The following OAS3 variants were observed in gnomAD, a reference collection of about 807,000 sequenced individuals.
The protein encoded by OAS3 is 2'-5'-oligoadenylate synthetase 3.
In OAS3, 107 loss-of-function variants were observed where a neutral mutation model predicts 113.0. The ratio of observed to expected loss-of-function variants is 0.95; its 90% confidence interval spans 0.81 to 1.11. The LOEUF (loss-of-function observed/expected upper bound fraction) is 1.11, where lower values mean the gene tolerates loss of function less well. Among genes scored for constraint, OAS3 ranks in the 50% most tolerant of loss-of-function variants. OAS3 has a pLI of 0.00. For synonymous variants in OAS3, 552 were observed against 573.6 expected, an observed-to-expected ratio of 0.96 and a Z score of 0.54; for missense variants, 1,258 against 1,389.1, an observed-to-expected ratio of 0.91 and a Z score of 1.50.
chr12:112,947,961 C>G lies in OAS3; in HGVS notation c.891C>G (p.Asp297Glu), dbSNP rs1565975933. 1.9e-6 allele frequency: 3 copies of G among 1,597,718 alleles called. No homozygotes were observed. In the Admixed American group the frequency reaches 5.2e-5, roughly 28 times the overall value. The change falls in exon 5 of 16, where the codon GAC (aspartate) becomes GAG (glutamate). Residue 297 changes from aspartate (D) to glutamate (E), a missense_variant. Physicochemically the swap from Asp to Glu is conservative, Grantham distance 45 (BLOSUM62 2). Coordinates refer to ENST00000228928, the MANE Select transcript of OAS3 (RefSeq NM_006187.4). ...QLKRPRPVIL[D>E]PADPTWDLGN... Reference sequence around the variant, plus strand: ...GAAATTGCAGGCCTGTGATCCTGGACCCAGCTGACCCCACATGGGACCTGG... The same window carrying G: ...GAAATTGCAGGCCTGTGATCCTGGAGCCAGCTGACCCCACATGGGACCTGG...
At chr12:112,948,738 C>T (rs1054173093) in intron 5 of OAS3, 123 bp from the exon 6 acceptor site, 7 of 761,732 alleles carry the variant, frequency 9.2e-6, no homozygotes, top group Admixed American at 2.9e-5. Flanking sequence ...GGCCCTCCCA[C>T]TTCCCCTCTC....
rs541027468 is a variant in OAS3, at chr12:112,954,711, A to G, written c.1657+3736A>G. ...TATATCTCTGTTTTGGTACAGTACC[A>G]TGCTGTTTTGGTTACTGTAGTATAG... On this transcript the variant is annotated intron_variant, in intron 7 of 15. Coordinates refer to ENST00000228928, the MANE Select transcript of OAS3 (RefSeq NM_006187.4). The surrounding 1 kb of genome is among the most constrained non-coding windows in gnomAD (Gnocchi z 4.0). 6.6e-6 allele frequency among the ~76,000 whole-genome samples: 1 copy of G among 152,274 alleles called. No homozygotes were observed. Among genetic ancestry groups the G allele is most frequent in the South Asian group, 2.1e-4 (1 of 4,824 alleles).
In OAS3 at chr12:112,964,305, G is replaced by T; in HGVS notation, c.2300G>T (p.Arg767Leu). 5 of 1,609,064 alleles carry T rather than the reference G, an allele frequency of 3.1e-6. No homozygotes were observed. Among genetic ancestry groups the T allele is most frequent in the Non-Finnish European group, 4.2e-6 (5 of 1,177,756 alleles). ...KFISEFLQPN[R>L]QFLAQVNKAV... ...ATCAGTGAATTTCTCCAGCCCAACCGCCAGTTCCTGGCCCAGGTGAACAAG... is the reference window on the plus strand; with the variant it reads ...ATCAGTGAATTTCTCCAGCCCAACCTCCAGTTCCTGGCCCAGGTGAACAAG... The change falls in exon 11 of 16, where the codon CGC (arginine) becomes CTC (leucine). Residue 767 changes from arginine to leucine, a missense_variant. Coordinates refer to ENST00000228928, the MANE Select transcript of OAS3 (RefSeq NM_006187.4).
chr12:112,943,131 C>T (rs756839224), intron 2 of OAS3, among the ~76,000 whole-genome samples: 2 of 152,006 alleles, frequency 1.3e-5, no homozygotes, highest in Non-Finnish European at 2.9e-5. Context: ...GATAGGGTTT[C>T]ACCATGTTGT....
chr12:112,960,979 G>C, intron 7 of OAS3, 92 bp from the exon 8 acceptor site: 1 of 1,193,504 alleles, frequency 8.4e-7, no homozygotes, highest in Non-Finnish European at 1.2e-6. Flanking sequence ...ATTAATGTTA[G>C]AATATTCATA....
chr12:112,968,840 C>T (rs897425812), intron 14 of OAS3, among the ~76,000 whole-genome samples: 1 of 152,176 alleles, frequency 6.6e-6, no homozygotes, highest in Admixed American at 6.5e-5. Flanking sequence ...TTAAATCTGA[C>T]CACCCTACCT....
At chr12:112,964,133 G>A (rs1031442636) in intron 10 of OAS3, 102 bp from the exon 11 acceptor site, 3 of 1,187,658 alleles carry the variant, frequency 2.5e-6, no homozygotes, top group Admixed American at 2.5e-5. Flanking sequence ...AGGGACATGG[G>A]AGACAGTGGG....
chr12:112,947,032 G>A (rs538979072), intron 4 of OAS3, 51 bp downstream of exon 4: 2 of 1,502,336 alleles, frequency 1.3e-6, no homozygotes, highest in African/African-American at 1.4e-5. Context: ...GCCAGGGGGA[G>A]ATAATTGACA....
Position 112,970,319 on chromosome 12 carries a change from T to C in OAS3, c.*346T>C, listed in dbSNP as rs528442449. 3 of 373,778 alleles carry C rather than the reference T, an allele frequency of 8.0e-6. No individual in the cohort carries two copies. In the South Asian group the frequency reaches 1.0e-4, roughly 12 times the overall value. The allele number at this position is 373,778 out of a possible 1,614,324, so 23.2% of individuals were successfully genotyped here. A position where few individuals can be genotyped will look rare whatever the true frequency, so the allele number is the denominator to read the frequency against. On this transcript the variant is annotated 3_prime_UTR_variant, in exon 16 of 16. Transcript: ENST00000228928. ...TGCCCCCTCCTCCCTGACTCCTCTCTGCCCATGCAAATTAGCTCACATCTT... is the reference window on the plus strand; with the variant it reads ...TGCCCCCTCCTCCCTGACTCCTCTCCGCCCATGCAAATTAGCTCACATCTT...
chr12:112,963,659 C>T lies in OAS3; in HGVS notation c.2229+202C>T, dbSNP rs1176766155. On this transcript the variant is annotated intron_variant, in intron 10 of 15. Transcript: ENST00000228928. This position sits in a 1 kb window ranked among gnomAD's most constrained non-coding sequence, Gnocchi z 4.6. Reference sequence around the variant, plus strand: ...CCAGTGCCTGAGTGACACAGGGTTACAAAAAGCCTAACTCTGTCTCCAGGC... The same window carrying T: ...CCAGTGCCTGAGTGACACAGGGTTATAAAAAGCCTAACTCTGTCTCCAGGC... Among the ~76,000 whole-genome samples the T allele has an allele frequency of 6.6e-6, 1 of 152,182 alleles. No individual in the cohort carries two copies. Among genetic ancestry groups the T allele is most frequent in the African/African-American group, 2.4e-5 (1 of 41,456 alleles).
chr12:112,969,677 C>T lies in OAS3; in HGVS notation c.3174C>T (p.Ala1058=). ...LGHNARWDLL[A]KEAAACTSAL... is the part of the protein sequence containing the mutation. ...ACAATGCCCGCTGGGACCTGCTGGC[C>T]AAGGAAGCTGCAGCCTGCACATCTG... The change falls in exon 15 of 16, where the codon GCC becomes GCT. Residue 1058 remains alanine, a synonymous_variant. Coordinates refer to ENST00000228928, the MANE Select transcript of OAS3 (RefSeq NM_006187.4). 1 of 1,611,706 alleles carries T rather than the reference C, an allele frequency of 6.2e-7. No homozygotes were observed. Among genetic ancestry groups the T allele is most frequent in the Non-Finnish European group, 8.5e-7 (1 of 1,179,014 alleles).
At position 112,967,442 on chromosome 12, in the gene OAS3, C is replaced by T. The variant is rs762451697; in HGVS notation, c.2714C>T (p.Pro905Leu). The change falls in exon 13 of 16, where the codon CCC (proline) becomes CTC (leucine). Residue 905 changes from proline (P) to leucine (L), a missense_variant. Pro to Leu is a moderately conservative substitution (Grantham distance 98). Coordinates refer to ENST00000228928, the MANE Select transcript of OAS3 (RefSeq NM_006187.4). ...GGCCAGCTGGTCTCTGGCTCCAGGC[C>T]CAGCTCTCAAGTCTACGTCGACCTC... ...ALGQLVSGSR[P>L]SSQVYVDLIH... 6.2e-7 allele frequency: 1 copy of T among 1,613,076 alleles called. No individual in the cohort carries two copies. The highest frequency in any genetic ancestry group is 2.2e-5 in the East Asian group (1 of 44,854).
At chr12:112,967,094 GCCCT>G (rs1450048613) in intron 12 of OAS3, among the ~76,000 whole-genome samples, 1 of 152,222 alleles carries the variant, frequency 6.6e-6, no homozygotes, top group Admixed American at 6.5e-5. Flanking sequence ...ACTGAGGCCT[GCCCT>G]CCCTCGGTTA....
intron 4 of OAS3, among the ~76,000 whole-genome samples, chr12:112,947,679 A>G (rs1243657101): frequency 6.6e-6 from 1 of 152,202 alleles, no homozygotes; most frequent in Non-Finnish European, 1.5e-5. Context: ...TAGGAATGAA[A>G]TTGCTGAATT....
rs146042277 is a variant in OAS3, at chr12:112,953,440, A to G, written c.1657+2465A>G. 9.2e-3 allele frequency among the ~76,000 whole-genome samples: 1,406 copies of G among 152,354 alleles called. 20 individuals carry two copies. The highest frequency in any genetic ancestry group is 0.031 in the African/African-American group (1,303 of 41,570). On this transcript the variant is annotated intron_variant, in intron 7 of 15. Transcript: ENST00000228928. ...CTTTGCTCTTGTGAATAGTGCCACA[A>G]TAAACATATGTGTGCATGTGTCTTT...
At chr12:112,958,008 C>T (rs1243567936) in intron 7 of OAS3, among the ~76,000 whole-genome samples, 3 of 152,216 alleles carry the variant, frequency 2.0e-5, no homozygotes, top group African/African-American at 7.2e-5. Flanking sequence ...CATATAGTCC[C>T]ATCTTTCTTG....
At chr12:112,949,741 G>C (rs1045628013) in intron 6 of OAS3, among the ~76,000 whole-genome samples, 1 of 152,028 alleles carries the variant, frequency 6.6e-6, no homozygotes, top group Non-Finnish European at 1.5e-5. Context: ...AGTCTTGCCC[G>C]GGCACGGTGG....
intron 12 of OAS3, among the ~76,000 whole-genome samples, chr12:112,967,138 T>C (rs1461654578): frequency 1.3e-5 from 2 of 152,052 alleles, no homozygotes; most frequent in Non-Finnish European, 2.9e-5. Context: ...ATTAGAGAGG[T>C]GTTAAAGACA....
rs1326711231 is a variant in OAS3, at chr12:112,964,261, TG to T, written c.2260del (p.Asp754ThrfsTer20). 3 of 1,598,864 alleles carry T rather than the reference TG, an allele frequency of 1.9e-6. No homozygotes were observed. In the Admixed American group the frequency reaches 5.1e-5, roughly 27 times the overall value. On this transcript the variant is annotated frameshift_variant, in exon 11 of 16. Coordinates refer to ENST00000228928, the MANE Select transcript of OAS3 (RefSeq NM_006187.4). LOFTEE classifies it high-confidence loss of function. ...MPALLYQTPA[G>X]DLDKFISEFL... Reference sequence around the variant, plus strand: ...CAGCCCTCCTTTACCAAACCCCAGCTGGGGACCTTGACAAGTTCATCAGTGA... The same window carrying T: ...CAGCCCTCCTTTACCAAACCCCAGCTGGGACCTTGACAAGTTCATCAGTGA...
Sources: allele counts gnomAD v4.1 joint callset (sites outside exome capture counted in the v4.1 genomes callset), GRCh38; gene constraint gnomAD v4.1.1; non-coding constraint Gnocchi (gnomAD v3.1); transcripts MANE v1.5; gene names NCBI Gene and HGNC (gene_info 2026-07-23, HGNC 2026-07-21).